ATP6V1E1: variants seen among roughly 807,000 people sequenced by gnomAD.
The protein encoded by ATP6V1E1 is V-type proton ATPase subunit E 1.
A neutral mutation model predicts 35.2 loss-of-function variants in ATP6V1E1; 21 were observed. That is an observed-to-expected ratio of 0.60 (90% CI 0.42 to 0.86). ATP6V1E1 has a LOEUF of 0.86. Among genes scored for constraint, ATP6V1E1 ranks in the 40% least tolerant of loss-of-function variants. The probability of loss-of-function intolerance (pLI) is 0.00; values close to 1 mark genes in which losing one functional copy is unlikely to be tolerated. For synonymous variants in ATP6V1E1, 83 were observed against 87.8 expected (o/e 0.95, Z 0.30); for missense variants, 183 against 272.6 (o/e 0.67, Z 2.32).
chr22:17,605,629 T>C, intron 4 of ATP6V1E1, among the ~76,000 whole-genome samples: 1 of 151,938 alleles, frequency 6.6e-6, no homozygotes, highest in Non-Finnish European at 1.5e-5. Context: ...TTTTAGGCAT[T>C]ATACTAGTCA....
Position 17,619,531 on chromosome 22 carries a change from A to C in ATP6V1E1, c.34-5T>G. 2 of 1,568,892 alleles carry C rather than the reference A, an allele frequency of 1.3e-6. No homozygotes were observed. The highest frequency in any genetic ancestry group is 1.7e-6 in the Non-Finnish European group (2 of 1,161,824). On this transcript the variant is annotated splice_polypyrimidine_tract_variant and splice_region_variant and intron_variant, in intron 1 of 8. Transcript: ENST00000253413. ...GAAAGCCATCATATGCTTTATCTAT[A>C]AGGAAAAAAAGTTTTATTTTTTAGT...
chr22:17,613,915 G>A (rs528688493), intron 2 of ATP6V1E1, among the ~76,000 whole-genome samples: 3 of 152,182 alleles, frequency 2.0e-5, no homozygotes, highest in African/African-American at 2.4e-5. Context: ...TGCAGCGAGT[G>A]GAGATCGTGC....
intron 8 of ATP6V1E1, among the ~76,000 whole-genome samples, chr22:17,593,043 C>T (rs546011523): frequency 2.7e-3 from 406 of 152,246 alleles, no homozygotes; most frequent in Non-Finnish European, 3.9e-3. Flanking sequence ...CCGCCTCGGC[C>T]TCCCACAGTG....
chr22:17,606,061 C>G (rs2057785644), intron 4 of ATP6V1E1, among the ~76,000 whole-genome samples: 1 of 152,086 alleles, frequency 6.6e-6, no homozygotes, highest in African/African-American at 2.4e-5. Flanking sequence ...GAACTTAAAC[C>G]TCAAAGGAAT....
At chr22:17,605,205 CAAA>C (rs898076791) in intron 4 of ATP6V1E1, among the ~76,000 whole-genome samples, 1 of 54,880 alleles carries the variant, frequency 1.8e-5, no homozygotes, top group African/African-American at 8.2e-5. Context: ...GACTTCATCT[CAAA>C]AAAAAAAAAA....
At chr22:17,592,944 T>C (rs1021373930) in intron 8 of ATP6V1E1, among the ~76,000 whole-genome samples, 2 of 152,028 alleles carry the variant, frequency 1.3e-5, no homozygotes, top group Non-Finnish European at 2.9e-5. Context: ...CTTGCCACCA[T>C]GCCTGGCTAA....
chr22:17,627,084 G>A (rs1293965975), intron 1 of ATP6V1E1, among the ~76,000 whole-genome samples: 1 of 152,086 alleles, frequency 6.6e-6, no homozygotes, highest in Non-Finnish European at 1.5e-5. Flanking sequence ...CCGCCTGCCG[G>A]GTTCAAGCGA....
chr22:17,627,419 A>G (rs5992771), intron 1 of ATP6V1E1, among the ~76,000 whole-genome samples: 78,939 of 151,552 alleles, frequency 0.52, 22,396 homozygotes, highest in African/African-American at 0.75. Context: ...GTGAGCCACC[A>G]TGCCCGGCCC....
intron 1 of ATP6V1E1, 92 bp downstream of exon 1, chr22:17,628,511 C>T: frequency 6.4e-7 from 1 of 1,551,838 alleles, no homozygotes; most frequent in Non-Finnish European, 8.9e-7. Context: ...GGCATCTGGG[C>T]GGCTCAAGGC....
At chr22:17,613,370 C>G in intron 2 of ATP6V1E1, 50 bp from the exon 3 acceptor site, 1 of 1,480,714 alleles carries the variant, frequency 6.8e-7, no homozygotes, top group Non-Finnish European at 9.4e-7. Context: ...TTTTGATTAA[C>G]AGTTTTAAAC....
At chr22:17,626,776 C>G (rs897432891) in intron 1 of ATP6V1E1, among the ~76,000 whole-genome samples, 1 of 152,100 alleles carries the variant, frequency 6.6e-6, no homozygotes, top group African/African-American at 2.4e-5. Context: ...GTGATATGCC[C>G]ACCTCGGCCT....
rs116576310 is a variant in ATP6V1E1, at chr22:17,594,677, C to T, written c.531-61G>A. ...AAAGACTTGAGAAAGATACATGGTA[C>T]CCTTTACTCCCGCAGAGGAATGCCC... On this transcript the variant is annotated intron_variant, in intron 7 of 8. Coordinates refer to ENST00000253413, the MANE Select transcript of ATP6V1E1 (RefSeq NM_001696.4). 34,254 of 1,347,596 alleles carry T rather than the reference C, an allele frequency of 0.025. 614 individuals are homozygous for T. The highest frequency in any genetic ancestry group is 0.069 in the African/African-American group (4,627 of 67,488). The allele number at this position is 1,347,596 out of a possible 1,614,324, so 83.5% of individuals were successfully genotyped here.
At position 17,612,832 on chromosome 22, in the gene ATP6V1E1, C is replaced by T. The variant is rs922849937; in HGVS notation, c.256G>A (p.Ala86Thr). 1 of 1,608,298 alleles carries T rather than the reference C, an allele frequency of 6.2e-7. No individual in the cohort carries two copies. Among genetic ancestry groups the T allele is most frequent in the Non-Finnish European group, 8.5e-7 (1 of 1,178,992 alleles). Reference sequence around the variant, plus strand: ...CTCACTGTGATAAGGTCATCTCTTGCTCTGAGGACTTTGAGTCTCGCTTGA... The same window carrying T: ...CTCACTGTGATAAGGTCATCTCTTGTTCTGAGGACTTTGAGTCTCGCTTGA... ...MNQARLKVLRARDDLITDLLN... is the reference protein window; with the variant it reads ...MNQARLKVLRTRDDLITDLLN... The change falls in exon 4 of 9, where the codon GCA (alanine) becomes ACA (threonine). Residue 86 changes from alanine (A) to threonine (T), a missense_variant. Transcript: ENST00000253413.
chr22:17,614,005 T>A (rs1390595200), intron 2 of ATP6V1E1, among the ~76,000 whole-genome samples: 1 of 151,280 alleles, frequency 6.6e-6, no homozygotes, highest in Non-Finnish European at 1.5e-5. Context: ...CCATAAAATG[T>A]GGTCGAGTAA....
At chr22:17,617,297 A>AT (rs1329500592) in intron 2 of ATP6V1E1, among the ~76,000 whole-genome samples, 2 of 151,958 alleles carry the variant, frequency 1.3e-5, no homozygotes, top group Non-Finnish European at 2.9e-5. Context: ...TTATTTACTG[A>AT]TTTTTTTCTT....
intron 2 of ATP6V1E1, among the ~76,000 whole-genome samples, chr22:17,616,523 C>T (rs2057845504): frequency 6.6e-6 from 1 of 151,302 alleles, no homozygotes; most frequent in African/African-American, 2.4e-5. Flanking sequence ...TACTAAAATA[C>T]AAAAAATTAG....
chr22:17,617,523 A>C (rs1471721051), intron 2 of ATP6V1E1, among the ~76,000 whole-genome samples: 1 of 151,944 alleles, frequency 6.6e-6, no homozygotes, highest in Admixed American at 6.6e-5. Context: ...TGAACTCCTG[A>C]CCTCAGGTGA....
intron 4 of ATP6V1E1, among the ~76,000 whole-genome samples, chr22:17,603,320 G>A (rs1402340523): frequency 6.6e-6 from 1 of 152,006 alleles, no homozygotes; most frequent in Non-Finnish European, 1.5e-5. Flanking sequence ...CCAGCAGTTT[G>A]AGACCAGCCG....
At chr22:17,620,427 G>A (rs1222835952) in intron 1 of ATP6V1E1, among the ~76,000 whole-genome samples, 13 of 151,820 alleles carry the variant, frequency 8.6e-5, no homozygotes, top group South Asian at 2.1e-4. Context: ...GATTACAGAC[G>A]TGAGCCACCG....
Sources: allele counts gnomAD v4.1 joint callset (sites outside exome capture counted in the v4.1 genomes callset), GRCh38; gene constraint gnomAD v4.1.1; transcripts MANE v1.5; gene names NCBI Gene and HGNC (gene_info 2026-07-23, HGNC 2026-07-21).